The following APBA1 variants were observed in gnomAD, a reference collection of about 807,000 sequenced individuals.
APBA1 encodes the protein amyloid beta precursor protein binding family A member 1.
A neutral mutation model predicts 86.6 loss-of-function variants in APBA1; 55 were observed. The ratio of observed to expected loss-of-function variants is 0.64; its 90% confidence interval spans 0.51 to 0.80. The LOEUF (loss-of-function observed/expected upper bound fraction) is 0.80, where lower values mean the gene tolerates loss of function less well. Ranked by LOEUF, APBA1 falls within the 30% of genes least tolerant of loss-of-function variation. APBA1 has a pLI of 0.00. For missense variants in APBA1, 1,090 were observed against 1,183.0 expected (o/e 0.92, Z 1.15); for synonymous variants, 511 against 493.9 (o/e 1.03, Z -0.46).
intron 1 of APBA1, among the ~76,000 whole-genome samples, chr9:69,543,804 T>C (rs1405275131): frequency 6.6e-6 from 1 of 152,186 alleles, no homozygotes; most frequent in Non-Finnish European, 1.5e-5. Context: ...AATGAAGCCA[T>C]GCATCTCTCC....
At position 69,634,477 on chromosome 9, in the gene APBA1, A is replaced by C. The variant is rs565065162; in HGVS notation, c.-70+37676T>G. Among the ~76,000 whole-genome samples the C allele has an allele frequency of 2.6e-5, 4 of 152,350 alleles. 1 individual carries two copies. The South Asian group carries it at 8.3e-4, about 32-fold the overall frequency. ...ATGAAACATGCCTATAATATCTGGA[A>C]AACAAGCTCAGAAAGGCAAATCTAA... On this transcript the variant is annotated intron_variant, in intron 1 of 12. Coordinates refer to ENST00000265381, the MANE Select transcript of APBA1 (RefSeq NM_001163.4).
rs970108271 is a variant in APBA1 at position 69,516,536 on chromosome 9, C to G, written c.675G>C (p.Ala225=). 6.3e-7 allele frequency: 1 copy of G among 1,594,628 alleles called. No individual in the cohort carries two copies. Among genetic ancestry groups the G allele is most frequent in the Non-Finnish European group, 8.5e-7 (1 of 1,176,336 alleles). The change falls in exon 2 of 13, where the codon GCG becomes GCC. Residue 225 remains alanine (A), a synonymous_variant. Coordinates refer to ENST00000265381, the MANE Select transcript of APBA1 (RefSeq NM_001163.4). This position sits in a 1 kb window ranked among gnomAD's most constrained non-coding sequence, Gnocchi z 7.3. ...GCGCGCCCAGGGCCTCCTGGCGGTACGCGGCCGCCTCGTCGCGCTCCTGCT... is the reference window on the plus strand; with the variant it reads ...GCGCGCCCAGGGCCTCCTGGCGGTAGGCGGCCGCCTCGTCGCGCTCCTGCT... ...LYEQERDEAA[A]YRQEALGARL... is the part of the protein sequence containing the mutation.
chr9:69,470,458 C>T (rs563936552), intron 4 of APBA1, among the ~76,000 whole-genome samples: 7 of 152,208 alleles, frequency 4.6e-5, no homozygotes, highest in South Asian at 4.2e-4. Context: ...AATATGAAGA[C>T]GGGAGCTTTC....
At position 69,432,495 on chromosome 9, in the gene APBA1, C is replaced by T. The variant is rs185642970; in HGVS notation, c.2442+41G>A. The T allele has an allele frequency of 2.6e-3, 3,767 of 1,451,522 alleles. 25 individuals are homozygous for T. The highest frequency in any genetic ancestry group is 2.3e-3 in the Non-Finnish European group (2,467 of 1,095,834). The allele number at this position is 1,451,522 out of a possible 1,614,324, so 89.9% of individuals were successfully genotyped here. A position where few individuals can be genotyped will look rare whatever the true frequency, so the allele number is the denominator to read the frequency against. Reference sequence around the variant, plus strand: ...GAGCATACGAGGCAGGGGCACCAGACGCGGCCCTCAGCACCACCCTCAGCC... The same window carrying T: ...GAGCATACGAGGCAGGGGCACCAGATGCGGCCCTCAGCACCACCCTCAGCC... On this transcript the variant is annotated intron_variant, in intron 12 of 12. Transcript: ENST00000265381.
At chr9:69,515,029 T>A (rs1836112584) in intron 2 of APBA1, among the ~76,000 whole-genome samples, 1 of 152,094 alleles carries the variant, frequency 6.6e-6, no homozygotes. Context: ...TATAAGGCAG[T>A]TCTCAAATTG....
chr9:69,627,608 A>G (rs1191707927), intron 1 of APBA1, among the ~76,000 whole-genome samples: 1 of 152,150 alleles, frequency 6.6e-6, no homozygotes. Flanking sequence ...AAGTGGAAAT[A>G]GTGTTAATGC....
chr9:69,466,918 C>G (rs1411762052), intron 5 of APBA1, among the ~76,000 whole-genome samples: 2 of 152,194 alleles, frequency 1.3e-5, no homozygotes, highest in Non-Finnish European at 2.9e-5. Flanking sequence ...TAACCTATTC[C>G]AACTTGCTGG....
chr9:69,460,232 C>T (rs1191925251), intron 5 of APBA1, among the ~76,000 whole-genome samples: 2 of 152,162 alleles, frequency 1.3e-5, no homozygotes, highest in Non-Finnish European at 2.9e-5. Flanking sequence ...ACACAGATGC[C>T]CTGCTGTTCT....
chr9:69,598,512 A>T (rs1176845660), intron 1 of APBA1, among the ~76,000 whole-genome samples: 1 of 151,982 alleles, frequency 6.6e-6, no homozygotes, highest in Non-Finnish European at 1.5e-5. Context: ...GCAGGTAATG[A>T]CAGGTGTGGT....
chr9:69,537,983 T>C (rs1038699254), intron 1 of APBA1, among the ~76,000 whole-genome samples: 1 of 151,974 alleles, frequency 6.6e-6, no homozygotes, highest in African/African-American at 2.4e-5. Context: ...TTTGTTGTGA[T>C]AAAACACAAC....
intron 9 of APBA1, among the ~76,000 whole-genome samples, chr9:69,451,430 C>T (rs1428259312): frequency 6.6e-6 from 1 of 152,226 alleles, no homozygotes; most frequent in African/African-American, 2.4e-5. Context: ...GTCCAAACCC[C>T]TCAGCTGGAC....
chr9:69,447,240 G>A (rs775550882), intron 10 of APBA1, among the ~76,000 whole-genome samples: 6 of 152,014 alleles, frequency 3.9e-5, no homozygotes, highest in African/African-American at 7.2e-5. Context: ...TATTTGGAGG[G>A]AACACAAATA....
chr9:69,439,677 C>T (rs1368163813), intron 11 of APBA1, among the ~76,000 whole-genome samples: 1 of 152,168 alleles, frequency 6.6e-6, no homozygotes, highest in Non-Finnish European at 1.5e-5. Context: ...TCTAGTTATC[C>T]ATTCGTCTAA....
chr9:69,446,573 C>T (rs542843008), intron 10 of APBA1, among the ~76,000 whole-genome samples: 57 of 152,376 alleles, frequency 3.7e-4, no homozygotes, highest in African/African-American at 1.3e-3. Context: ...TGTACTCCAG[C>T]AAGCTTTGCT....
chr9:69,536,693 C>T lies in APBA1; in HGVS notation c.-69-19414G>A, dbSNP rs537144397. On this transcript the variant is annotated intron_variant, in intron 1 of 12. Transcript: ENST00000265381. ...AGCAGCCTGGCCAACATGAAGAAAC[C>T]CCATCTCTACTAAAAAAAAAAAAAA... Among the ~76,000 whole-genome samples the T allele has an allele frequency of 2.4e-3, 344 of 142,228 alleles. 2 individuals are homozygous for T. The highest frequency in any genetic ancestry group is 4.6e-3 in the Admixed American group (65 of 14,186). The allele number at this position is 142,228 out of a possible 152,430, so 93.3% of individuals were successfully genotyped here.
At chr9:69,540,646 C>T (rs76240890) in intron 1 of APBA1, among the ~76,000 whole-genome samples, 2,154 of 152,262 alleles carry the variant, frequency 0.014, 44 homozygotes, top group African/African-American at 0.049. Context: ...GTCACTCAGG[C>T]TGGACTGCAC....
intron 1 of APBA1, among the ~76,000 whole-genome samples, chr9:69,610,798 A>C (rs906882257): frequency 6.6e-6 from 1 of 152,178 alleles, no homozygotes; most frequent in African/African-American, 2.4e-5. Context: ...AAGGCATGCC[A>C]GGTTCTCCAG....
chr9:69,538,328 T>C (rs1245465885), intron 1 of APBA1, among the ~76,000 whole-genome samples: 1 of 152,248 alleles, frequency 6.6e-6, no homozygotes, highest in East Asian at 1.9e-4. Context: ...CGGGTTGACA[T>C]CTTTAAACAT....
intron 1 of APBA1, among the ~76,000 whole-genome samples, chr9:69,628,036 G>A (rs1412154262): frequency 6.6e-6 from 1 of 152,082 alleles, no homozygotes. Flanking sequence ...CAAAGATGAT[G>A]GGAAGTCACC....
Sources: allele counts gnomAD v4.1 joint callset (sites outside exome capture counted in the v4.1 genomes callset), GRCh38; gene constraint gnomAD v4.1.1; non-coding constraint Gnocchi (gnomAD v3.1); transcripts MANE v1.5; gene names NCBI Gene and HGNC (gene_info 2026-07-23, HGNC 2026-07-21).